Variants in AAK1 observed in about 807,000 individuals in gnomAD.
AAK1 encodes AP2 associated kinase 1, also known as AP2-associated protein kinase 1.
In AAK1, 37 loss-of-function variants were observed where a neutral mutation model predicts 116.0. The observed-to-expected ratio is 0.32, with a 90% CI of 0.25 to 0.42. The LOEUF is 0.42. Among genes scored for constraint, AAK1 ranks in the 10% least tolerant of loss-of-function variants. The probability of loss-of-function intolerance (pLI) is 1.00; values close to 1 mark genes in which losing one functional copy is unlikely to be tolerated. For synonymous variants in AAK1, 458 were observed against 439.9 expected (o/e 1.04, Z -0.51); for missense variants, 919 against 1,170.6 (o/e 0.79, Z 3.14).
intron 16 of AAK1, among the ~76,000 whole-genome samples, chr2:69,498,908 T>C (rs4852231): frequency 0.61 from 93,321 of 152,116 alleles, 29,387 homozygotes; most frequent in East Asian, 0.8. Context: ...CTCAACTAGA[T>C]GGGTAACAGG....
At chr2:69,502,374 C>A (rs1676010962) in intron 16 of AAK1, among the ~76,000 whole-genome samples, 1 of 152,102 alleles carries the variant, frequency 6.6e-6, no homozygotes, top group Non-Finnish European at 1.5e-5. Flanking sequence ...GTAATCCCAG[C>A]ACTTTGGGAG....
At chr2:69,485,177 C>G (rs1249755421) in intron 17 of AAK1, among the ~76,000 whole-genome samples, 2 of 152,158 alleles carry the variant, frequency 1.3e-5, no homozygotes, top group Non-Finnish European at 2.9e-5. Flanking sequence ...AAATTACTTG[C>G]TTCTTTTAAG....
intron 2 of AAK1, among the ~76,000 whole-genome samples, chr2:69,628,070 G>A (rs60812451): frequency 0.022 from 3,332 of 152,246 alleles, 113 homozygotes; most frequent in African/African-American, 0.074. Flanking sequence ...CAGAAAAAAA[G>A]GAATGGAATC....
In AAK1 at chr2:69,462,670, C is replaced by G. The variant is rs1322202098; in HGVS notation, c.*13199G>C. 7.3e-6 allele frequency: 1 copy of G among 136,664 alleles called. No individual in the cohort carries two copies. Among genetic ancestry groups the G allele is most frequent in the African/African-American group, 2.6e-5 (1 of 37,916 alleles). The allele number at this position is 136,664 out of a possible 1,614,324, so 8.5% of individuals were successfully genotyped here. Reference sequence around the variant, plus strand: ...CCGCCTGAGCGACAGAGCAAGACGCCGTCTTGAAAAAAAAAAAAAAAATTT... The same window carrying G: ...CCGCCTGAGCGACAGAGCAAGACGCGGTCTTGAAAAAAAAAAAAAAAATTT... On this transcript the variant is annotated 3_prime_UTR_variant, in exon 22 of 22. Transcript: ENST00000409085.
intron 2 of AAK1, among the ~76,000 whole-genome samples, chr2:69,580,297 T>C (rs1672490089): frequency 6.6e-6 from 1 of 152,194 alleles, no homozygotes; most frequent in Non-Finnish European, 1.5e-5. Flanking sequence ...ATGTTTGTAC[T>C]AAAGAATACC....
At chr2:69,622,367 G>A (rs1046069940) in intron 2 of AAK1, among the ~76,000 whole-genome samples, 5 of 149,368 alleles carry the variant, frequency 3.3e-5, no homozygotes, top group African/African-American at 7.4e-5. Context: ...CCCGACGAGC[G>A]CCACCCCCTG....
At chr2:69,590,839 T>C (rs1672996097) in intron 2 of AAK1, among the ~76,000 whole-genome samples, 2 of 152,244 alleles carry the variant, frequency 1.3e-5, no homozygotes, top group African/African-American at 2.4e-5. Flanking sequence ...AGATTTAATA[T>C]GGCAACAAAA....
Position 69,471,627 on chromosome 2 carries a change from T to C in AAK1, c.*4242A>G. On this transcript the variant is annotated 3_prime_UTR_variant, in exon 22 of 22. Transcript: ENST00000409085. ...AAAGTTAGTGGCTATGGGAGCCTGA[T>C]AATCTTGCAGACAGAGAAGGTTAAG... is the stretch of plus-strand genomic sequence containing the variant. 4.1e-6 allele frequency: 4 copies of C among 985,400 alleles called. No individual in the cohort carries two copies. Among genetic ancestry groups the C allele is most frequent in the Middle Eastern group, 5.2e-4 (1 of 1,914 alleles). 61.0% of individuals were successfully genotyped at this position (985,400 alleles called of 1,614,324 possible).
intron 2 of AAK1, among the ~76,000 whole-genome samples, chr2:69,597,009 T>G (rs996920637): frequency 6.6e-6 from 1 of 151,918 alleles, no homozygotes; most frequent in African/African-American, 2.4e-5. Context: ...AGGGAAGTAT[T>G]ACCAAATTGG....
At chr2:69,596,874 C>T (rs534166915) in intron 2 of AAK1, among the ~76,000 whole-genome samples, 1 of 152,288 alleles carries the variant, frequency 6.6e-6, no homozygotes, top group East Asian at 1.9e-4. Context: ...GGTGCACTCT[C>T]TGCCTTCTAA....
At chr2:69,637,718 C>T (rs1207362558) in intron 2 of AAK1, among the ~76,000 whole-genome samples, 4 of 152,164 alleles carry the variant, frequency 2.6e-5, no homozygotes, top group African/African-American at 4.8e-5. Context: ...CTTTCCGAAG[C>T]GTCAACATTC....
At chr2:69,538,515 T>C (rs1457134019) in intron 5 of AAK1, among the ~76,000 whole-genome samples, 1 of 152,248 alleles carries the variant, frequency 6.6e-6, no homozygotes, top group Non-Finnish European at 1.5e-5. Context: ...CTACGTAAGC[T>C]GGACAGGTGT....
intron 2 of AAK1, among the ~76,000 whole-genome samples, chr2:69,615,750 G>A (rs1674299553): frequency 6.6e-6 from 1 of 152,186 alleles, no homozygotes; most frequent in African/African-American, 2.4e-5. Context: ...AAAACTTACT[G>A]GTGGGAGTTC....
intron 2 of AAK1, among the ~76,000 whole-genome samples, chr2:69,622,500 C>G (rs1467233674): frequency 6.6e-6 from 1 of 152,246 alleles, no homozygotes; most frequent in Non-Finnish European, 1.5e-5. Context: ...GCCAGCTGGG[C>G]TCCCGAGTCT....
chr2:69,559,685 A>G (rs1259423508), intron 2 of AAK1, among the ~76,000 whole-genome samples: 2 of 152,214 alleles, frequency 1.3e-5, no homozygotes, highest in African/African-American at 4.8e-5. Context: ...TCCCATGGCT[A>G]GTTATGGGCA....
At chr2:69,551,796 A>G (rs1310504649) in intron 3 of AAK1, among the ~76,000 whole-genome samples, 1 of 152,258 alleles carries the variant, frequency 6.6e-6, no homozygotes, top group African/African-American at 2.4e-5. Flanking sequence ...ACTCTATCAG[A>G]GCACACATCC....
chr2:69,552,259 T>C (rs770311707), intron 3 of AAK1, among the ~76,000 whole-genome samples: 2 of 152,132 alleles, frequency 1.3e-5, no homozygotes, highest in African/African-American at 2.4e-5. Context: ...TGGAAGGGAA[T>C]AGAGAATAGA....
chr2:69,480,977 A>G lies in AAK1; in HGVS notation c.2468-16T>C. 1 of 1,580,752 alleles carries G rather than the reference A, an allele frequency of 6.3e-7. No individual in the cohort carries two copies. The highest frequency in any genetic ancestry group is 8.6e-7 in the Non-Finnish European group (1 of 1,160,892). On this transcript the variant is annotated splice_polypyrimidine_tract_variant and intron_variant, in intron 18 of 21. Transcript: ENST00000409085. ...TCAGCTTTTTCTTTCGTAACAGAGC[A>G]TTAAGAAGAGGAAAGGGTAAGGGAA...
At chr2:69,482,635 T>G in intron 18 of AAK1, 76 bp downstream of exon 18, 1 of 1,226,138 alleles carries the variant, frequency 8.2e-7, no homozygotes, top group Non-Finnish European at 1.2e-6. Flanking sequence ...CAGGGATTGG[T>G]TAACTAGGTA....
Sources: allele counts gnomAD v4.1 joint callset (sites outside exome capture counted in the v4.1 genomes callset), GRCh38; gene constraint gnomAD v4.1.1; transcripts MANE v1.5; gene names NCBI Gene and HGNC (gene_info 2026-07-23, HGNC 2026-07-21).